The following SPACA1 variants were observed in gnomAD, a reference collection of about 807,000 sequenced individuals.
The protein encoded by SPACA1 is sperm acrosome associated 1, also known as sperm acrosome membrane-associated protein 1.
Under a neutral mutation model 32.6 loss-of-function variants are expected in SPACA1, and 17 were observed. That is an observed-to-expected ratio of 0.52 (90% confidence interval 0.36 to 0.78). The LOEUF is 0.78. Ranked by LOEUF, SPACA1 falls within the 30% of genes least tolerant of loss-of-function variation. The pLI is 0.01. For synonymous variants in SPACA1, 140 were observed against 138.1 expected (o/e 1.01, Z -0.10); for missense variants, 363 against 373.4 (o/e 0.97, Z 0.23).
chr6:88,047,059 A>G (rs1187315131), upstream of SPACA1, among the ~76,000 whole-genome samples: 1 of 152,208 alleles, frequency 6.6e-6, no homozygotes, highest in Non-Finnish European at 1.5e-5. Context: ...CTACTAGATG[A>G]GGTAAAATTT....
At position 88,053,962 on chromosome 6, in the gene SPACA1, C is replaced by T. The variant is rs778459698; in HGVS notation, c.225C>T (p.Val75=). 1.8e-5 allele frequency: 29 copies of T among 1,612,924 alleles called. No individual in the cohort carries two copies. The highest frequency in any genetic ancestry group is 1.7e-4 in the African/African-American group (13 of 74,838). Residue 75 remains valine (V), a synonymous_variant, in exon 2 of 7, where the codon GTC becomes GTT. Transcript: ENST00000237201. ...PETEDVSNRN[V]VKEVEFGMCT... ...TATGTTTAGTTTCAAATAGGAATGT[C>T]GTCAAAGAAGTAGAATTCGGAATGT... is the stretch of plus-strand genomic sequence containing the variant.
At chr6:88,049,233 G>A (rs1489079503) in intron 1 of SPACA1, among the ~76,000 whole-genome samples, 1 of 152,202 alleles carries the variant, frequency 6.6e-6, no homozygotes, top group Non-Finnish European at 1.5e-5. Context: ...CTTCTTTAAA[G>A]TAATTGAATT....
chr6:88,055,158 C>T (rs1775788012), intron 2 of SPACA1, among the ~76,000 whole-genome samples: 2 of 152,136 alleles, frequency 1.3e-5, no homozygotes, highest in East Asian at 1.9e-4. Context: ...CTACTAACTT[C>T]GGAAATTTTC....
At chr6:88,048,232 C>T in intron 1 of SPACA1, 119 bp downstream of exon 1, 1 of 1,080,772 alleles carries the variant, frequency 9.3e-7, no homozygotes, top group Non-Finnish European at 1.3e-6. Flanking sequence ...CTCTCTCATA[C>T]TTCAGCCCCG....
At chr6:88,053,198 A>G (rs995496101) in intron 1 of SPACA1, among the ~76,000 whole-genome samples, 3 of 152,204 alleles carry the variant, frequency 2.0e-5, no homozygotes, top group African/African-American at 7.2e-5. Flanking sequence ...TGTGTTTTCC[A>G]TGCGATTTGT....
intron 2 of SPACA1, among the ~76,000 whole-genome samples, chr6:88,055,603 T>A (rs1775794938): frequency 6.6e-6 from 1 of 152,236 alleles, no homozygotes; most frequent in Non-Finnish European, 1.5e-5. Context: ...TAGATGTTAC[T>A]TGGTATTACA....
At chr6:88,056,317 G>T (rs1775806644) in intron 2 of SPACA1, among the ~76,000 whole-genome samples, 1 of 152,214 alleles carries the variant, frequency 6.6e-6, no homozygotes, top group Non-Finnish European at 1.5e-5. Flanking sequence ...TCGCGCCACT[G>T]CACTCTAGCC....
chr6:88,065,909 A>T (rs1380580109), intron 6 of SPACA1, among the ~76,000 whole-genome samples: 1 of 151,906 alleles, frequency 6.6e-6, no homozygotes, highest in Non-Finnish European at 1.5e-5. Context: ...CAGTAGTCAT[A>T]AATACGTTTA....
chr6:88,066,148 A>G (rs1180851207), intron 6 of SPACA1, 34 bp from the exon 7 acceptor site: 2 of 1,538,754 alleles, frequency 1.3e-6, no homozygotes, highest in Non-Finnish European at 1.7e-6. Flanking sequence ...TTTTCACTTC[A>G]TATGGTGGTT....
At position 88,058,349 on chromosome 6, in the gene SPACA1, G is replaced by GTTGCTTTTTAAAGTAGTA. The variant is rs1457065184; in HGVS notation, c.368-363_368-346dup. ...ATATAGTTGATTTTTAAAACTGGAG[G>GTTGCTTTTTAAAGTAGTA]TTGCTTTTTAAAGTAGTATTGTGAC... On this transcript the variant is annotated intron_variant, in intron 3 of 6. Coordinates refer to ENST00000237201, the MANE Select transcript of SPACA1 (RefSeq NM_030960.3). Among the ~76,000 whole-genome samples, 6 of 152,312 alleles carry GTTGCTTTTTAAAGTAGTA rather than the reference G, an allele frequency of 3.9e-5. No individual in the cohort carries two copies. The East Asian group carries it at 7.7e-4, about 20-fold the overall frequency.
intron 6 of SPACA1, 148 bp downstream of exon 6, chr6:88,064,367 C>A (rs1167245786): frequency 2.9e-6 from 2 of 682,814 alleles, no homozygotes; most frequent in Non-Finnish European, 4.5e-6. Context: ...CTGTGACTGC[C>A]CTAGTTCAGG....
intron 1 of SPACA1, among the ~76,000 whole-genome samples, chr6:88,051,066 G>T (rs1381397348): frequency 6.6e-6 from 1 of 151,812 alleles, no homozygotes; most frequent in Non-Finnish European, 1.5e-5. Context: ...AGAATGGCGT[G>T]AACCCAGGAG....
chr6:88,063,942 C>A, intron 5 of SPACA1, 157 bp from the exon 6 acceptor site: 1 of 723,580 alleles, frequency 1.4e-6, no homozygotes, highest in Non-Finnish European at 2.0e-6. Flanking sequence ...TTGAAAAGGA[C>A]ATTTCAAACA....
At chr6:88,061,642 A>G (rs1326476204) in intron 5 of SPACA1, among the ~76,000 whole-genome samples, 1 of 152,106 alleles carries the variant, frequency 6.6e-6, no homozygotes, top group Non-Finnish European at 1.5e-5. Flanking sequence ...CTCCCCAAGA[A>G]CCTTCAGTGA....
intron 2 of SPACA1, among the ~76,000 whole-genome samples, chr6:88,055,365 A>G (rs940028879): frequency 9.9e-5 from 15 of 152,234 alleles, no homozygotes; most frequent in African/African-American, 3.6e-4. Context: ...CAAGCAATGT[A>G]TAGTTTAGTA....
At chr6:88,061,664 G>A (rs1582274923) in intron 5 of SPACA1, among the ~76,000 whole-genome samples, 1 of 152,194 alleles carries the variant, frequency 6.6e-6, no homozygotes, top group South Asian at 2.1e-4. Flanking sequence ...AGCATGGCTC[G>A]GCCAACACAT....
Position 88,066,226 on chromosome 6 carries a change from A to G in SPACA1, c.776A>G (p.Glu259Gly). The change falls in exon 7 of 7, where the codon GAG becomes GGG. Residue 259 changes from glutamate (E) to glycine (G), a missense_variant. By Grantham distance (98) the Glu-to-Gly change is moderately conservative. Coordinates refer to ENST00000237201, the MANE Select transcript of SPACA1 (RefSeq NM_030960.3). ...TGGGGGGCAAAAGCCTCTACACCTG[A>G]GGTACAATCCGAGCAGAGTTCTGTG... ...AFWGAKASTP[E>G]VQSEQSSVRY... 1 of 1,611,394 alleles carries G rather than the reference A, an allele frequency of 6.2e-7. No individual in the cohort carries two copies. Among genetic ancestry groups the G allele is most frequent in the Non-Finnish European group, 8.5e-7 (1 of 1,178,308 alleles).
chr6:88,051,945 G>T (rs1775733620), intron 1 of SPACA1, among the ~76,000 whole-genome samples: 1 of 152,156 alleles, frequency 6.6e-6, no homozygotes. Flanking sequence ...CTACCATGTT[G>T]ACACCAACTG....
At chr6:88,056,252 G>A (rs1775805496) in intron 2 of SPACA1, among the ~76,000 whole-genome samples, 1 of 152,076 alleles carries the variant, frequency 6.6e-6, no homozygotes, top group Admixed American at 6.5e-5. Context: ...TATTCAGGAG[G>A]CTGAGGCAGG....
Sources: gnomAD v4.1 joint callset for allele counts (sites outside exome capture counted in the v4.1 genomes callset) on GRCh38, gnomAD v4.1.1 for gene constraint, MANE v1.5 for transcripts, NCBI Gene and HGNC (gene_info 2026-07-23, HGNC 2026-07-21) for gene names.